Variants in DNAH12 observed in about 807,000 individuals in gnomAD.
DNAH12 encodes dynein axonemal heavy chain 12, also known as axonemal beta dynein heavy chain 12.
DNAH12 carries 285 observed loss-of-function variants against 371.5 expected under a neutral mutation model. The ratio of observed to expected loss-of-function variants is 0.77; its 90% CI spans 0.70 to 0.85. The LOEUF is 0.85. Ranked by LOEUF, DNAH12 falls within the 40% of genes least tolerant of loss-of-function variation. The pLI is 0.00. For missense variants in DNAH12, 3,611 were observed against 3,689.4 expected (o/e 0.98, Z 0.55); for synonymous variants, 1,200 against 1,213.0 (o/e 0.99, Z 0.22).
chr3:57,553,625 A>T, the DNAH12 span, among the ~76,000 whole-genome samples: 416 of 152,270 alleles, frequency 2.7e-3, 1 homozygote, highest in African/African-American at 9.6e-3. Flanking sequence ...CAAAGACAAA[A>T]GCTCATATCA....
chr3:57,492,446 G>C (rs975445484), intron 11 of DNAH12, among the ~76,000 whole-genome samples: 13 of 151,560 alleles, frequency 8.6e-5, no homozygotes, highest in Admixed American at 2.0e-4. Context: ...GGCAACAAGA[G>C]CAAAACTCCA....
In DNAH12 at chr3:57,444,789, C is replaced by T. The variant is rs1271769260; in HGVS notation, c.4453G>A (p.Glu1485Lys). ...LLLRSIKDVN[E>K]PKFLSHDIPL... ...ATATCATGTGATAAAAACTTTGGTT[C>T]ATTTACATCTTTAATTGATCGAAGA... The change falls in exon 29 of 74, where the codon GAA becomes AAA. Residue 1485 changes from glutamate to lysine, a missense_variant. Transcript: ENST00000495027. The T allele has an allele frequency of 6.5e-7, 1 of 1,546,336 alleles. No homozygotes were observed. Among genetic ancestry groups the T allele is most frequent in the Admixed American group, 2.0e-5 (1 of 49,942 alleles).
chr3:57,448,699 C>T (rs935585023), intron 25 of DNAH12, among the ~76,000 whole-genome samples: 2 of 151,558 alleles, frequency 1.3e-5, no homozygotes, highest in African/African-American at 4.8e-5. Context: ...AGCGAGTGGC[C>T]TGTTTTAACA....
At chr3:57,481,409 C>G (rs1467228678) in intron 13 of DNAH12, among the ~76,000 whole-genome samples, 2 of 151,872 alleles carry the variant, frequency 1.3e-5, no homozygotes, top group Admixed American at 6.6e-5. Flanking sequence ...CACTGCTCAA[C>G]AAAATAAAAG....
chr3:57,508,543 G>C lies in DNAH12; in HGVS notation c.543-3C>G, dbSNP rs1253327256. On this transcript the variant is annotated splice_polypyrimidine_tract_variant and splice_region_variant and intron_variant, in intron 6 of 73. Coordinates refer to ENST00000495027, the MANE Select transcript of DNAH12 (RefSeq NM_001366028.2). ...AAGGATTAGAATAATCTAGGCCTCT[G>C]GAAAAGCAAAACACCATATCAAACA... 6.2e-7 allele frequency: 1 copy of C among 1,603,630 alleles called. No homozygotes were observed. The highest frequency in any genetic ancestry group is 2.2e-5 in the East Asian group (1 of 44,464).
chr3:57,540,645 C>T (rs559345288), intron 2 of DNAH12, among the ~76,000 whole-genome samples: 10 of 152,254 alleles, frequency 6.6e-5, no homozygotes, highest in African/African-American at 2.4e-4. Flanking sequence ...TAAAAACAAT[C>T]TAGGCCTGAT....
At chr3:57,302,567 ATTTT>A (rs71088056) in intron 69 of DNAH12, among the ~76,000 whole-genome samples, 105 of 27,448 alleles carry the variant, frequency 3.8e-3, no homozygotes, top group African/African-American at 0.012. Context: ...ATATATATGT[ATTTT>A]TTTTTTTTTT....
chr3:57,430,858 G>A lies in DNAH12; in HGVS notation c.4981-1084C>T, dbSNP rs1575591472. 2.0e-5 allele frequency among the ~76,000 whole-genome samples: 3 copies of A among 152,268 alleles called. No individual in the cohort carries two copies. The South Asian group carries it at 6.2e-4, about 32-fold the overall frequency. On this transcript the variant is annotated intron_variant, in intron 32 of 73. Transcript: ENST00000495027. ...TCCGTTTCTTAGCTGTAAAATGAAT[G>A]ATCTAGAGGTGGATTGTCCAATACG...
At position 57,471,543 on chromosome 3, in the gene DNAH12, A is replaced by G. The variant is rs757843319; in HGVS notation, c.1840T>C (p.Leu614=). Reference sequence around the variant, plus strand: ...CGGCGTGATTCTTTTTCTATTTCCAAAATAAGTTTCTCTCTCTTGGCCATT... The same window carrying G: ...CGGCGTGATTCTTTTTCTATTTCCAGAATAAGTTTCTCTCTCTTGGCCATT... ...ELMAKREKLI[L]EIEKESRRME... Residue 614 remains leucine, a synonymous_variant, in exon 15 of 74, where the codon TTG becomes CTG. Coordinates refer to ENST00000495027, the MANE Select transcript of DNAH12 (RefSeq NM_001366028.2). 1.3e-6 allele frequency: 2 copies of G among 1,549,644 alleles called. No individual in the cohort carries two copies. Among genetic ancestry groups the G allele is most frequent in the South Asian group, 2.4e-5 (2 of 83,622 alleles).
intron 45 of DNAH12, among the ~76,000 whole-genome samples, chr3:57,388,326 T>C (rs2063536806): frequency 2.0e-5 from 3 of 152,224 alleles, no homozygotes; most frequent in African/African-American, 4.8e-5. Context: ...TTCTCAGCAC[T>C]TACCAATACA....
chr3:57,469,009 T>A, intron 16 of DNAH12, 30 bp from the exon 17 acceptor site: 1 of 1,508,564 alleles, frequency 6.6e-7, no homozygotes, highest in Non-Finnish European at 8.8e-7. Flanking sequence ...ATTATTAAAC[T>A]CAGACTTTTG....
intron 47 of DNAH12, 64 bp downstream of exon 47, chr3:57,386,377 T>C (rs1279880362): frequency 2.0e-5 from 3 of 147,316 alleles, no homozygotes; most frequent in South Asian, 2.1e-4. Context: ...AAATTGTAGC[T>C]TGTATTATTA....
intron 43 of DNAH12, among the ~76,000 whole-genome samples, chr3:57,395,640 ATAT>A (rs2063721151): frequency 6.6e-6 from 1 of 152,058 alleles, no homozygotes; most frequent in South Asian, 2.1e-4. Context: ...ATAATTATTA[ATAT>A]TATATCAAAA....
chr3:57,461,458 G>C (rs904185872), intron 19 of DNAH12, 31 bp downstream of exon 19: 2 of 1,545,860 alleles, frequency 1.3e-6, no homozygotes, highest in East Asian at 2.5e-5. Context: ...CCGTATAAAT[G>C]ACCAAGAGCT....
intron 45 of DNAH12, among the ~76,000 whole-genome samples, chr3:57,387,676 G>T (rs1416101622): frequency 1.3e-5 from 2 of 152,160 alleles, no homozygotes; most frequent in Admixed American, 1.3e-4. Flanking sequence ...AATGGCCAAT[G>T]ACACATAAGC....
chr3:57,343,737 G>A (rs1012056850), intron 60 of DNAH12, among the ~76,000 whole-genome samples: 2 of 152,062 alleles, frequency 1.3e-5, no homozygotes, highest in African/African-American at 4.8e-5. Context: ...TGAATGTCTC[G>A]GTATAAAACC....
chr3:57,442,154 T>A (rs1451567051), intron 29 of DNAH12, among the ~76,000 whole-genome samples: 1 of 152,100 alleles, frequency 6.6e-6, no homozygotes, highest in Non-Finnish European at 1.5e-5. Flanking sequence ...GTGAGGGAAT[T>A]TGTTGCCAGA....
intron 29 of DNAH12, among the ~76,000 whole-genome samples, chr3:57,440,754 A>G (rs1202975210): frequency 6.6e-6 from 1 of 152,170 alleles, no homozygotes; most frequent in Non-Finnish European, 1.5e-5. Flanking sequence ...TTGGGAGGCC[A>G]AGGTGAGTGG....
intron 60 of DNAH12, among the ~76,000 whole-genome samples, chr3:57,335,479 T>C (rs549843251): frequency 2.4e-3 from 362 of 152,322 alleles, no homozygotes; most frequent in Non-Finnish European, 4.0e-3. Flanking sequence ...AGTGTGTTGT[T>C]AGGCGATTTC....
Sources: allele counts gnomAD v4.1 joint callset (sites outside exome capture counted in the v4.1 genomes callset), GRCh38; gene constraint gnomAD v4.1.1; transcripts MANE v1.5; gene names NCBI Gene and HGNC (gene_info 2026-07-23, HGNC 2026-07-21).